The following TMEM65 variants were observed in gnomAD, a reference collection of about 807,000 sequenced individuals.
TMEM65 encodes the protein transmembrane protein 65.
In TMEM65, 22 loss-of-function variants were observed where a neutral mutation model predicts 25.4. The observed-to-expected ratio is 0.86, with a 90% CI of 0.62 to 1.23. The LOEUF (loss-of-function observed/expected upper bound fraction) is 1.23. TMEM65 is among the 50% of genes most tolerant of loss of function. The probability of loss-of-function intolerance (pLI) is 0.00; values close to 1 mark genes in which losing one functional copy is unlikely to be tolerated. For synonymous variants in TMEM65, 132 were observed against 126.2 expected (o/e 1.05, Z -0.31); for missense variants, 262 against 308.2 (o/e 0.85, Z 1.12).
In TMEM65 at chr8:124,312,775, C is replaced by A. The variant is rs1027045721; in HGVS notation, c.*1185G>T. The stretch of plus-strand genomic sequence containing the variant: ...ACCACAAAAGAAGAAAAAAGAAAAA[C>A]AAAGGGAAAAAGGATTTCTCCTCAT... On this transcript the variant is annotated 3_prime_UTR_variant, in exon 7 of 7. Coordinates refer to ENST00000297632, the MANE Select transcript of TMEM65 (RefSeq NM_194291.3). 6 of 151,610 alleles carry A rather than the reference C, an allele frequency of 4.0e-5. No homozygotes were observed. The highest frequency in any genetic ancestry group is 1.2e-4 in the African/African-American group (5 of 41,354). The allele number at this position is 151,610 out of a possible 1,614,324, so 9.4% of individuals were successfully genotyped here.
intron 2 of TMEM65, among the ~76,000 whole-genome samples, chr8:124,329,089 G>C (rs988037855): frequency 6.8e-6 from 1 of 147,922 alleles, no homozygotes; most frequent in Admixed American, 6.9e-5. Context: ...CTTGTTTTAA[G>C]TAAAAATGTC....
intron 1 of TMEM65, among the ~76,000 whole-genome samples, chr8:124,334,195 G>A (rs543795371): frequency 6.6e-6 from 1 of 152,170 alleles, no homozygotes; most frequent in South Asian, 2.1e-4. Context: ...GCAATTACAG[G>A]AATAACTAGG....
At chr8:124,333,336 A>C (rs1814459145) in intron 1 of TMEM65, among the ~76,000 whole-genome samples, 1 of 152,052 alleles carries the variant, frequency 6.6e-6, no homozygotes, top group East Asian at 1.9e-4. Context: ...TATATATTTT[A>C]TGAATTAATT....
chr8:124,339,249 A>ATATATATATATAT (rs1814557141), intron 1 of TMEM65, among the ~76,000 whole-genome samples: 1 of 119,596 alleles, frequency 8.4e-6, no homozygotes, highest in Admixed American at 8.6e-5. Context: ...ATATATATAT[A>ATATATATATATAT]AAATATTCTT....
intron 2 of TMEM65, among the ~76,000 whole-genome samples, chr8:124,329,670 G>A (rs1814408357): frequency 6.6e-6 from 1 of 151,822 alleles, no homozygotes; most frequent in Non-Finnish European, 1.5e-5. Context: ...AAAAAATATA[G>A]TTTTTCAAAA....
rs1276681765 is a variant in TMEM65 at position 124,308,859 on chromosome 8, T to C, written c.*5101A>G. On this transcript the variant is annotated 3_prime_UTR_variant, in exon 7 of 7. Transcript: ENST00000297632. ...CTAAAGCAAATGGTGGAAGAAGGAT[T>C]AATACCATATATAGAAATATTTTGA... The C allele has an allele frequency of 1.3e-5, 2 of 152,172 alleles. No individual in the cohort carries two copies. The highest frequency in any genetic ancestry group is 1.3e-4 in the Admixed American group (2 of 15,272). 9.4% of individuals were successfully genotyped at this position (152,172 alleles called of 1,614,324 possible).
intron 1 of TMEM65, among the ~76,000 whole-genome samples, chr8:124,336,583 C>A (rs1468350165): frequency 2.6e-5 from 4 of 151,600 alleles, no homozygotes; most frequent in African/African-American, 9.7e-5. Context: ...ATACATGGAC[C>A]AAAGAGGAAA....
chr8:124,339,311 T>C (rs1264153635), intron 1 of TMEM65, among the ~76,000 whole-genome samples: 2 of 142,076 alleles, frequency 1.4e-5, no homozygotes, highest in African/African-American at 5.3e-5. Context: ...TTTCAGCCAA[T>C]TACAGGCTGC....
chr8:124,349,212 T>C (rs1814676360), intron 1 of TMEM65, among the ~76,000 whole-genome samples: 1 of 152,184 alleles, frequency 6.6e-6, no homozygotes, highest in Non-Finnish European at 1.5e-5. Context: ...TATAAAACAT[T>C]GTCAAAACAC....
intron 1 of TMEM65, among the ~76,000 whole-genome samples, chr8:124,339,860 G>GA (rs111956737): frequency 0.1 from 14,922 of 148,268 alleles, 912 homozygotes; most frequent in African/African-American, 0.16. Context: ...TGTATTTTTG[G>GA]AAAAAAAAAA....
chr8:124,337,124 T>C (rs1814518356), intron 1 of TMEM65, among the ~76,000 whole-genome samples: 1 of 151,690 alleles, frequency 6.6e-6, no homozygotes, highest in Middle Eastern at 3.2e-3. Context: ...CAAAAAACTT[T>C]ATATGTAAAC....
intron 1 of TMEM65, among the ~76,000 whole-genome samples, chr8:124,370,051 T>C (rs1814992397): frequency 6.6e-6 from 1 of 152,208 alleles, no homozygotes; most frequent in East Asian, 1.9e-4. Context: ...ATAACTAAGT[T>C]TAATTGATGC....
chr8:124,353,126 CA>C (rs199711984), intron 1 of TMEM65, among the ~76,000 whole-genome samples: 1 of 146,124 alleles, frequency 6.8e-6, no homozygotes, highest in East Asian at 2.0e-4. Flanking sequence ...GACTCTGTCT[CA>C]AAAAAAAACA....
chr8:124,319,849 A>C (rs1025351136), intron 6 of TMEM65, among the ~76,000 whole-genome samples: 3 of 152,166 alleles, frequency 2.0e-5, no homozygotes, highest in South Asian at 4.1e-4. Context: ...CCTATAAGAG[A>C]TACTCCCTAA....
chr8:124,372,004 T>A lies in TMEM65; in HGVS notation c.154A>T (p.Arg52Trp). The A allele has an allele frequency of 7.4e-7, 1 of 1,342,434 alleles. No individual in the cohort carries two copies. The highest frequency in any genetic ancestry group is 9.6e-7 in the Non-Finnish European group (1 of 1,042,660). The allele number at this position is 1,342,434 out of a possible 1,614,324, so 83.2% of individuals were successfully genotyped here. Residue 52 changes from arginine (R) to tryptophan (W), a missense_variant, in exon 1 of 7, where the codon AGG (arginine) becomes TGG (tryptophan). By Grantham distance (101) the Arg-to-Trp change is moderately radical. Coordinates refer to ENST00000297632, the MANE Select transcript of TMEM65 (RefSeq NM_194291.3). ...APPGGLPGGPRRLGTHPKKEP... is the reference protein window; with the variant it reads ...APPGGLPGGPWRLGTHPKKEP... ...TTCTTGGGGTGCGTGCCCAGCCGCC[T>A]GGGGCCGCCCGGCAAGCCGCCGGGG...
chr8:124,357,708 T>C (rs946177435), intron 1 of TMEM65, among the ~76,000 whole-genome samples: 4 of 152,116 alleles, frequency 2.6e-5, no homozygotes, highest in Non-Finnish European at 5.9e-5. Context: ...TGAGGTGTTA[T>C]TTTCCCCATG....
At chr8:124,358,946 T>G (rs187280561) in intron 1 of TMEM65, among the ~76,000 whole-genome samples, 58 of 152,314 alleles carry the variant, frequency 3.8e-4, no homozygotes, top group Middle Eastern at 3.4e-3. Flanking sequence ...TTTTTTTATC[T>G]GAACTGAATT....
chr8:124,364,207 T>G (rs1365411389), intron 1 of TMEM65, among the ~76,000 whole-genome samples: 1 of 151,846 alleles, frequency 6.6e-6, no homozygotes, highest in Non-Finnish European at 1.5e-5. Context: ...AAGAAGAAAA[T>G]TAAACACAAT....
chr8:124,349,607 T>A (rs766948806), intron 1 of TMEM65, among the ~76,000 whole-genome samples: 1 of 152,202 alleles, frequency 6.6e-6, no homozygotes, highest in African/African-American at 2.4e-5. Context: ...TACTCTGATA[T>A]ATAATTAGTC....
Sources: allele counts gnomAD v4.1 joint callset (sites outside exome capture counted in the v4.1 genomes callset), GRCh38; gene constraint gnomAD v4.1.1; transcripts MANE v1.5; gene names NCBI Gene and HGNC (gene_info 2026-07-23, HGNC 2026-07-21).